ADCY1: variants seen among roughly 807,000 people sequenced by gnomAD.
ADCY1 encodes adenylate cyclase type 1.
Under a neutral mutation model 105.4 loss-of-function variants are expected in ADCY1, and 28 were observed. That is an observed-to-expected ratio of 0.27 (90% confidence interval 0.20 to 0.36). The LOEUF (loss-of-function observed/expected upper bound fraction) is 0.36. ADCY1 is among the 10% of genes least tolerant of loss of function. The pLI is 1.00. For synonymous variants in ADCY1, 655 were observed against 623.8 expected (o/e 1.05, Z -0.75); for missense variants, 977 against 1,434.2 (o/e 0.68, Z 5.15).
chr7:45,696,475 C>T (rs1231882510), intron 14 of ADCY1, among the ~76,000 whole-genome samples: 1 of 150,020 alleles, frequency 6.7e-6, no homozygotes, highest in Non-Finnish European at 1.5e-5. Flanking sequence ...AAGAAAAATC[C>T]AGATTTTCTG....
intron 4 of ADCY1, among the ~76,000 whole-genome samples, chr7:45,631,986 A>G (rs1794271054): frequency 6.6e-6 from 1 of 152,118 alleles, no homozygotes; most frequent in Non-Finnish European, 1.5e-5. Flanking sequence ...ATTTTTGTGT[A>G]TGTTTCGAGG....
In ADCY1 at chr7:45,714,041, C is replaced by T. The variant is rs931966940; in HGVS notation, c.*46C>T. 1.4e-5 allele frequency: 10 copies of T among 723,446 alleles called. No individual in the cohort carries two copies. Among genetic ancestry groups the T allele is most frequent in the Non-Finnish European group, 2.1e-5 (8 of 389,320 alleles). The allele number at this position is 723,446 out of a possible 1,614,324, so 44.8% of individuals were successfully genotyped here. A position where few individuals can be genotyped will look rare whatever the true frequency, so the allele number is the denominator to read the frequency against. On this transcript the variant is annotated 3_prime_UTR_variant, in exon 20 of 20. Transcript: ENST00000297323. ...GGGGTGCACATGGGGTGGGAATGCT[C>T]CGGGGGTGACACAGGCCACGGTGGC...
At chr7:45,592,297 G>A (rs1792943308) in intron 1 of ADCY1, among the ~76,000 whole-genome samples, 1 of 152,074 alleles carries the variant, frequency 6.6e-6, no homozygotes, top group Non-Finnish European at 1.5e-5. Context: ...CTCGTTCCTG[G>A]GCTACAGACA....
chr7:45,624,775 A>G (rs1794004645), intron 4 of ADCY1, among the ~76,000 whole-genome samples: 1 of 152,162 alleles, frequency 6.6e-6, no homozygotes, highest in Non-Finnish European at 1.5e-5. Flanking sequence ...CCCCTTCAGC[A>G]GGAAGCTGGT....
At chr7:45,593,241 C>A (rs1252542549) in intron 2 of ADCY1, among the ~76,000 whole-genome samples, 2 of 152,176 alleles carry the variant, frequency 1.3e-5, no homozygotes, top group Non-Finnish European at 2.9e-5. Flanking sequence ...ATGAATGTGA[C>A]CGTGCAGGTG....
At chr7:45,674,756 C>T (rs1237148999) in intron 8 of ADCY1, among the ~76,000 whole-genome samples, 1 of 152,184 alleles carries the variant, frequency 6.6e-6, no homozygotes, top group Non-Finnish European at 1.5e-5. Flanking sequence ...ATTTCTATGT[C>T]TTCCTTTTAC....
At chr7:45,662,760 C>T (rs1481996681) in intron 8 of ADCY1, among the ~76,000 whole-genome samples, 2 of 152,210 alleles carry the variant, frequency 1.3e-5, no homozygotes, top group African/African-American at 4.8e-5. Context: ...GTCTTCTCAG[C>T]AGTCTCCACC....
At position 45,677,870 on chromosome 7, in the gene ADCY1, G is replaced by A. The variant is rs778010377; in HGVS notation, c.1607G>A (p.Arg536Gln). ...CCTTTATTTCCATGATGGCTCCAGC[G>A]GAGGGCATTAAGAACAGCCTCGGAA... Reference protein sequence around the residue: ...NVMTCEDDDKRRALRTASEKL... With the variant: ...NVMTCEDDDKQRALRTASEKL... Residue 536 changes from arginine (R) to glutamine (Q), a missense_variant and splice_region_variant, in exon 9 of 20, where the codon CGG becomes CAG. Arg to Gln is a conservative substitution (Grantham distance 43). Around this residue, in one of 7 missense-constraint regions of ADCY1, gnomAD observed 275 missense variants for 362.1 expected, o/e 0.76. Transcript: ENST00000297323. 3.1e-6 allele frequency: 5 copies of A among 1,613,452 alleles called. No homozygotes were observed. Among genetic ancestry groups the A allele is most frequent in the South Asian group, 1.1e-5 (1 of 90,976 alleles).
chr7:45,610,528 G>A (rs1793506435), intron 3 of ADCY1, 31 bp downstream of exon 3: 2 of 1,588,884 alleles, frequency 1.3e-6, no homozygotes, highest in East Asian at 2.2e-5. Context: ...GCACAGCGGG[G>A]AGCCTGGGAA....
At chr7:45,587,109 T>C (rs1792753614) in intron 1 of ADCY1, among the ~76,000 whole-genome samples, 2 of 152,174 alleles carry the variant, frequency 1.3e-5, no homozygotes, top group Non-Finnish European at 2.9e-5. Context: ...TCATACCCAA[T>C]AGGAGTGATC....
intron 5 of ADCY1, among the ~76,000 whole-genome samples, chr7:45,651,757 C>T (rs1434196792): frequency 1.3e-5 from 2 of 152,194 alleles, no homozygotes; most frequent in African/African-American, 4.8e-5. Context: ...CTGACTTCCT[C>T]TTTTAATAGA....
chr7:45,601,063 T>C (rs1462736627), intron 2 of ADCY1, among the ~76,000 whole-genome samples: 1 of 152,174 alleles, frequency 6.6e-6, no homozygotes, highest in East Asian at 1.9e-4. Context: ...GAGTGTATGA[T>C]TTAAAAATAA....
chr7:45,691,145 T>C (rs1355466442), intron 14 of ADCY1, among the ~76,000 whole-genome samples: 1 of 152,216 alleles, frequency 6.6e-6, no homozygotes, highest in African/African-American at 2.4e-5. Flanking sequence ...AAATGCAGTA[T>C]TTGACCCTGC....
At chr7:45,664,762 A>AT in intron 8 of ADCY1, 1 of 186,400 alleles carries the variant, frequency 5.4e-6, no homozygotes, top group South Asian at 1.2e-4. Flanking sequence ...CAAAAATATG[A>AT]TTTTTTGGTC....
intron 2 of ADCY1, among the ~76,000 whole-genome samples, chr7:45,598,126 A>G (rs894376721): frequency 2.0e-5 from 3 of 152,194 alleles, no homozygotes; most frequent in Admixed American, 1.3e-4. Flanking sequence ...TATCATGGTT[A>G]GGAATGTAAG....
intron 6 of ADCY1, among the ~76,000 whole-genome samples, chr7:45,659,651 G>C (rs533414559): frequency 3.8e-4 from 58 of 152,204 alleles, no homozygotes; most frequent in Non-Finnish European, 6.9e-4. Flanking sequence ...GTGCTGACCA[G>C]ACCAGACCAT....
At chr7:45,627,848 C>T (rs1026237408) in intron 4 of ADCY1, among the ~76,000 whole-genome samples, 1 of 152,142 alleles carries the variant, frequency 6.6e-6, no homozygotes, top group African/African-American at 2.4e-5. Context: ...AGAATCCACT[C>T]GTGGGGAGAT....
intron 11 of ADCY1, among the ~76,000 whole-genome samples, chr7:45,683,641 A>G (rs1784607115): frequency 6.6e-6 from 1 of 152,068 alleles, no homozygotes; most frequent in African/African-American, 2.4e-5. Context: ...CTCGGAGCTG[A>G]TCATATATAT....
intron 8 of ADCY1, among the ~76,000 whole-genome samples, chr7:45,671,680 T>G (rs190947718): frequency 1.3e-5 from 2 of 152,346 alleles, no homozygotes; most frequent in East Asian, 3.9e-4. Flanking sequence ...GCTAAGGATG[T>G]TGAACATCTT....
Sources: gnomAD v4.1 joint callset for allele counts (sites outside exome capture counted in the v4.1 genomes callset) on GRCh38, gnomAD v4.1.1 for gene constraint, gnomAD v4.1.1 regional missense constraint, MANE v1.5 for transcripts, NCBI Gene and HGNC (gene_info 2026-07-23, HGNC 2026-07-21) for gene names.